Variants in KDM4B observed in about 807,000 individuals in gnomAD.
KDM4B encodes the protein lysine demethylase 4B.
Under a neutral mutation model 125.2 loss-of-function variants are expected in KDM4B, and 32 were observed. That is an observed-to-expected ratio of 0.26 (90% CI 0.19 to 0.34). KDM4B has a LOEUF of 0.34. Among genes scored for constraint, KDM4B ranks in the 10% least tolerant of loss-of-function variants. KDM4B has a pLI of 1.00. For missense variants in KDM4B, 1,190 were observed against 1,577.7 expected, an observed-to-expected ratio of 0.75 and a Z score of 4.16; for synonymous variants, 721 against 677.9, an observed-to-expected ratio of 1.06 and a Z score of -0.99.
chr19:5,038,840 C>G (rs1287561736), intron 3 of KDM4B, among the ~76,000 whole-genome samples: 1 of 152,272 alleles, frequency 6.6e-6, no homozygotes, highest in Non-Finnish European at 1.5e-5. Context: ...CTCACGGCCC[C>G]TGTCCCATGT....
At chr19:5,052,693 T>C (rs1476620417) in intron 6 of KDM4B, among the ~76,000 whole-genome samples, 1 of 152,164 alleles carries the variant, frequency 6.6e-6, no homozygotes, top group East Asian at 1.9e-4. Flanking sequence ...GGCCCCACAA[T>C]GGCCTCTGCC....
intron 9 of KDM4B, among the ~76,000 whole-genome samples, chr19:5,094,237 G>A (rs1272873493): frequency 6.6e-6 from 1 of 152,260 alleles, no homozygotes; most frequent in East Asian, 1.9e-4. Context: ...ACTGATGACA[G>A]CTGCTACCAC....
intron 1 of KDM4B, among the ~76,000 whole-genome samples, chr19:5,008,326 G>A (rs551888120): frequency 4.6e-5 from 7 of 152,232 alleles, no homozygotes; most frequent in East Asian, 3.9e-4. Flanking sequence ...GACTTTAAGC[G>A]TGTGGGTTTA....
At chr19:5,133,308 C>T (rs995441979) in intron 13 of KDM4B, among the ~76,000 whole-genome samples, 2 of 152,204 alleles carry the variant, frequency 1.3e-5, no homozygotes, top group Non-Finnish European at 2.9e-5. Context: ...CTTCCTGGGG[C>T]GGGCTGCCTT....
chr19:5,029,176 G>A (rs2036373686), intron 2 of KDM4B, among the ~76,000 whole-genome samples: 1 of 152,228 alleles, frequency 6.6e-6, no homozygotes, highest in Admixed American at 6.5e-5. Context: ...CTCCCAAAGT[G>A]CTGGGATTAC....
intron 9 of KDM4B, among the ~76,000 whole-genome samples, chr19:5,107,577 C>T (rs2039059445): frequency 6.6e-6 from 1 of 152,238 alleles, no homozygotes; most frequent in Non-Finnish European, 1.5e-5. Context: ...CCGGCCTGCT[C>T]TGAACCCTTC....
At chr19:5,092,271 C>T (rs192815126) in intron 9 of KDM4B, among the ~76,000 whole-genome samples, 4 of 152,294 alleles carry the variant, frequency 2.6e-5, no homozygotes, top group East Asian at 3.9e-4. Context: ...CGGTGCTGAG[C>T]AGTGCCCCTG....
intron 18 of KDM4B, among the ~76,000 whole-genome samples, 159 bp from the exon 19 acceptor site, chr19:5,143,808 C>T (rs557942455): frequency 5.9e-5 from 9 of 152,240 alleles, no homozygotes; most frequent in East Asian, 5.8e-4. Flanking sequence ...AGGGAGGCTG[C>T]GGGCTCTGGG....
At chr19:5,137,423 C>T in intron 16 of KDM4B, 85 bp downstream of exon 16, 1 of 1,357,562 alleles carries the variant, frequency 7.4e-7, no homozygotes, top group Non-Finnish European at 1.0e-6. Flanking sequence ...GGGGCGTAGT[C>T]TCCCCTCCGT....
intron 2 of KDM4B, among the ~76,000 whole-genome samples, chr19:5,029,743 C>T (rs1308680069): frequency 6.6e-6 from 1 of 152,250 alleles, no homozygotes; most frequent in African/African-American, 2.4e-5. Flanking sequence ...GGGAGGATGG[C>T]TTGAGCCCAG....
At chr19:4,981,445 G>A (rs142431981) in intron 1 of KDM4B, among the ~76,000 whole-genome samples, 32 of 152,290 alleles carry the variant, frequency 2.1e-4, no homozygotes, top group South Asian at 4.1e-4. Flanking sequence ...TGGAGAGCAC[G>A]CTGCTCCCTG....
chr19:5,066,618 G>A (rs533983551), intron 6 of KDM4B, among the ~76,000 whole-genome samples: 8 of 152,250 alleles, frequency 5.3e-5, no homozygotes, highest in South Asian at 2.1e-4. Flanking sequence ...CTGACTTTCC[G>A]AAAGGGTGTC....
intron 21 of KDM4B, among the ~76,000 whole-genome samples, chr19:5,148,530 C>A (rs2039890426): frequency 6.6e-6 from 1 of 152,218 alleles, no homozygotes; most frequent in Non-Finnish European, 1.5e-5. Context: ...CTGACTGAAT[C>A]ACTGTGTGCC....
At chr19:4,993,762 T>TG (rs1457015182) in intron 1 of KDM4B, among the ~76,000 whole-genome samples, 1 of 151,904 alleles carries the variant, frequency 6.6e-6, no homozygotes, top group Non-Finnish European at 1.5e-5. Context: ...AGGTGTGTGT[T>TG]GCCACGCCTG....
Position 5,144,074 on chromosome 19 carries a change from A to G in KDM4B, c.2658A>G (p.Ala886=). ...TSFHVTCAHA[A]GVLMEPDDWP... Reference sequence around the variant, plus strand: ...TCCACGTGACCTGCGCCCACGCCGCAGGCGTGCTCATGGAGCCGGACGACT... The same window carrying G: ...TCCACGTGACCTGCGCCCACGCCGCGGGCGTGCTCATGGAGCCGGACGACT... The change falls in exon 19 of 23, where the codon GCA becomes GCG. Residue 886 remains alanine, a synonymous_variant. Coordinates refer to ENST00000159111, the MANE Select transcript of KDM4B (RefSeq NM_015015.3). The G allele has an allele frequency of 1.2e-6, 2 of 1,605,970 alleles. No individual in the cohort carries two copies. The highest frequency in any genetic ancestry group is 2.2e-5 in the South Asian group (2 of 90,972).
At chr19:5,026,523 T>C (rs994409625) in intron 2 of KDM4B, among the ~76,000 whole-genome samples, 10 of 152,020 alleles carry the variant, frequency 6.6e-5, no homozygotes, top group African/African-American at 2.2e-4. Context: ...CTCTGTGACG[T>C]TGTTAATTAG....
At chr19:5,051,543 A>C (rs745802095) in intron 6 of KDM4B, among the ~76,000 whole-genome samples, 1 of 152,218 alleles carries the variant, frequency 6.6e-6, no homozygotes, top group Non-Finnish European at 1.5e-5. Context: ...GGACGTCGTG[A>C]GCTGATGGGA....
intron 11 of KDM4B, among the ~76,000 whole-genome samples, chr19:5,121,994 G>A (rs753955533): frequency 6.6e-6 from 1 of 152,118 alleles, no homozygotes; most frequent in Non-Finnish European, 1.5e-5. Context: ...CCCTGTCCAC[G>A]CTGCGGCCTC....
intron 10 of KDM4B, among the ~76,000 whole-genome samples, chr19:5,116,672 C>G (rs1183890251): frequency 6.6e-6 from 1 of 152,162 alleles, no homozygotes; most frequent in Non-Finnish European, 1.5e-5. Context: ...TGGCAGGGAG[C>G]TCAGAGATAC....
Sources: allele counts gnomAD v4.1 joint callset (sites outside exome capture counted in the v4.1 genomes callset), GRCh38; gene constraint gnomAD v4.1.1; transcripts MANE v1.5; gene names NCBI Gene and HGNC (gene_info 2026-07-23, HGNC 2026-07-21).